Variants in NCKAP5 observed in about 807,000 individuals in gnomAD.
NCKAP5 encodes NCK associated protein 5, also known as nck-associated protein 5.
In NCKAP5, 92 loss-of-function variants were observed where a neutral mutation model predicts 167.0. The observed-to-expected ratio is 0.55, with a 90% confidence interval of 0.47 to 0.66. The LOEUF is 0.66. Among genes scored for constraint, NCKAP5 ranks in the 30% least tolerant of loss-of-function variants. The pLI is 0.00. For missense variants in NCKAP5, 2,378 were observed against 2,315.0 expected (o/e 1.03, Z -0.56); for synonymous variants, 891 against 877.4 (o/e 1.02, Z -0.27).
At chr2:132,977,292 C>G (rs963067543) in intron 7 of NCKAP5, among the ~76,000 whole-genome samples, 1 of 152,156 alleles carries the variant, frequency 6.6e-6, no homozygotes, top group Non-Finnish European at 1.5e-5. Flanking sequence ...GTACTTTCAA[C>G]AGAAAACATT....
At chr2:133,236,983 C>T (rs1173445826) in intron 4 of NCKAP5, among the ~76,000 whole-genome samples, 2 of 151,954 alleles carry the variant, frequency 1.3e-5, no homozygotes, top group South Asian at 2.1e-4. Context: ...ACCAACATGG[C>T]ACACGTATAC....
chr2:132,936,768 TCTTTTA>T (rs1281694533), intron 8 of NCKAP5, among the ~76,000 whole-genome samples: 4 of 152,222 alleles, frequency 2.6e-5, no homozygotes, highest in African/African-American at 9.6e-5. Context: ...AGTATTTTTT[TCTTTTA>T]CTTTTTTATA....
intron 3 of NCKAP5, among the ~76,000 whole-genome samples, chr2:133,440,588 A>T (rs6741867): frequency 0.44 from 65,836 of 151,006 alleles, 15,422 homozygotes; most frequent in African/African-American, 0.62. Context: ...CGGGCACCTG[A>T]ACTCCCAGCT....
chr2:133,559,414 G>A (rs1027888001), intron 1 of NCKAP5, among the ~76,000 whole-genome samples: 1 of 152,134 alleles, frequency 6.6e-6, no homozygotes, highest in Non-Finnish European at 1.5e-5. Flanking sequence ...GAACTCTTGG[G>A]TTCAAGTTAT....
chr2:133,519,983 C>T (rs1175563393), intron 2 of NCKAP5, among the ~76,000 whole-genome samples: 2 of 151,820 alleles, frequency 1.3e-5, no homozygotes, highest in Non-Finnish European at 2.9e-5. Flanking sequence ...GTCAAAAGAT[C>T]GAGACCATCC....
At chr2:133,130,544 AC>A (rs2082564106) in intron 5 of NCKAP5, among the ~76,000 whole-genome samples, 1 of 152,242 alleles carries the variant, frequency 6.6e-6, no homozygotes, top group Admixed American at 6.5e-5. Context: ...TTATAGAAGG[AC>A]CAAAAATTTC....
At chr2:133,518,344 A>T (rs1265343273) in intron 2 of NCKAP5, among the ~76,000 whole-genome samples, 53 of 74,612 alleles carry the variant, frequency 7.1e-4, no homozygotes, top group South Asian at 2.7e-3. Context: ...ACAGTAAAGG[A>T]TTTTTTTTTT....
At chr2:133,015,500 ATCCC>A (rs1420963677) in intron 6 of NCKAP5, among the ~76,000 whole-genome samples, 6 of 152,164 alleles carry the variant, frequency 3.9e-5, no homozygotes, top group Admixed American at 2.0e-4. Context: ...CACGGCTCTG[ATCCC>A]TCTGTTCATT....
chr2:132,703,387 C>T (rs1688057096), intron 19 of NCKAP5, among the ~76,000 whole-genome samples: 1 of 152,124 alleles, frequency 6.6e-6, no homozygotes, highest in Admixed American at 6.5e-5. Context: ...AGAATCAGTT[C>T]ATGAGCTTTA....
intron 8 of NCKAP5, among the ~76,000 whole-genome samples, chr2:132,938,265 G>A (rs1279191798): frequency 6.6e-6 from 1 of 152,132 alleles, no homozygotes; most frequent in African/African-American, 2.4e-5. Flanking sequence ...GGAATCAGAG[G>A]ATACAGTAGA....
At chr2:132,690,558 C>T (rs894494542) in intron 19 of NCKAP5, among the ~76,000 whole-genome samples, 1 of 152,180 alleles carries the variant, frequency 6.6e-6, no homozygotes, top group South Asian at 2.1e-4. Flanking sequence ...CAATTAGCCT[C>T]GGATAAAGTT....
intron 5 of NCKAP5, among the ~76,000 whole-genome samples, chr2:133,130,864 TTGC>T (rs988441241): frequency 2.0e-5 from 3 of 148,364 alleles, no homozygotes; most frequent in Non-Finnish European, 4.5e-5. Context: ...GTTGTTGTTG[TTGC>T]CTTTTTTAAA....
chr2:133,563,564 TAAAAAAAA>T (rs57901498), intron 1 of NCKAP5, among the ~76,000 whole-genome samples: 1,709 of 52,982 alleles, frequency 0.032, 6 homozygotes, highest in African/African-American at 0.11. Context: ...AAAGACTCCA[TAAAAAAAA>T]AAAAAAAAAA....
At chr2:133,652,254 A>G in the NCKAP5 span, among the ~76,000 whole-genome samples, 1 of 152,208 alleles carries the variant, frequency 6.6e-6, no homozygotes, top group Admixed American at 6.5e-5. Context: ...TTTAATAGGG[A>G]AAAAATATGT....
At chr2:133,109,052 C>T (rs1202261520) in intron 6 of NCKAP5, among the ~76,000 whole-genome samples, 1 of 152,154 alleles carries the variant, frequency 6.6e-6, no homozygotes, top group East Asian at 1.9e-4. Context: ...ACTAACCATT[C>T]CCTCTCGGGC....
intron 5 of NCKAP5, among the ~76,000 whole-genome samples, chr2:133,196,266 G>C (rs184973266): frequency 1.4e-4 from 22 of 152,252 alleles, no homozygotes; most frequent in Admixed American, 1.2e-3. Flanking sequence ...TGAAAGCTAA[G>C]AGCAGGGAAC....
intron 5 of NCKAP5, among the ~76,000 whole-genome samples, chr2:133,165,997 G>T (rs539140807): frequency 6.6e-6 from 1 of 152,120 alleles, no homozygotes; most frequent in Non-Finnish European, 1.5e-5. Flanking sequence ...ACCAACAGTG[G>T]GGATGAAAAG....
At chr2:132,793,701 CCTGCCTGCCAGCAGG>C (rs1684255880) in intron 12 of NCKAP5, among the ~76,000 whole-genome samples, 2 of 152,120 alleles carry the variant, frequency 1.3e-5, no homozygotes, top group South Asian at 4.1e-4. Context: ...AATGGCTGAG[CCTGCCTGCCAGCAGG>C]CACGTAAGTT....
the NCKAP5 span, among the ~76,000 whole-genome samples, chr2:133,628,912 G>T: frequency 2.6e-5 from 4 of 152,200 alleles, no homozygotes; most frequent in African/African-American, 9.6e-5. Flanking sequence ...AGTAAATGGT[G>T]CTGGGAGAAC....
Sources: gnomAD v4.1 joint callset for allele counts (sites outside exome capture counted in the v4.1 genomes callset) on GRCh38, gnomAD v4.1.1 for gene constraint, MANE v1.5 for transcripts, NCBI Gene and HGNC (gene_info 2026-07-23, HGNC 2026-07-21) for gene names.